ST3GAL3: variants seen among roughly 807,000 people sequenced by gnomAD.
The protein encoded by ST3GAL3 is ST3 beta-galactoside alpha-2,3-sialyltransferase 3.
ST3GAL3 carries 21 observed loss-of-function variants against 50.1 expected under a neutral mutation model. That is an observed-to-expected ratio of 0.42 (90% CI 0.30 to 0.60). The LOEUF is 0.60. ST3GAL3 is among the 20% of genes least tolerant of loss of function. The probability of loss-of-function intolerance (pLI) is 0.19; values close to 1 mark genes in which losing one functional copy is unlikely to be tolerated. For synonymous variants in ST3GAL3, 183 were observed against 190.0 expected, an observed-to-expected ratio of 0.96 and a Z score of 0.30; for missense variants, 353 against 489.4, an observed-to-expected ratio of 0.72 and a Z score of 2.63.
At chr1:43,920,577 G>A in intron 10 of ST3GAL3, 27 bp downstream of exon 10, 2 of 1,612,626 alleles carry the variant, frequency 1.2e-6, no homozygotes, top group Non-Finnish European at 1.7e-6. Context: ...CTGGGAGAGG[G>A]AGGAGGAAAG....
intron 9 of ST3GAL3, among the ~76,000 whole-genome samples, chr1:43,905,952 T>C: frequency 1.7e-5 from 1 of 57,502 alleles, no homozygotes; most frequent in African/African-American, 7.5e-5. Flanking sequence ...CCTGCTCCTC[T>C]CCCACCACTC....
intron 4 of ST3GAL3, among the ~76,000 whole-genome samples, chr1:43,830,679 C>T (rs1280228694): frequency 1.3e-5 from 2 of 152,136 alleles, no homozygotes; most frequent in African/African-American, 2.4e-5. Flanking sequence ...TGAGATATAG[C>T]CCTTCCACTG....
At chr1:43,751,976 C>A (rs1188287627) in intron 2 of ST3GAL3, among the ~76,000 whole-genome samples, 1 of 152,004 alleles carries the variant, frequency 6.6e-6, no homozygotes, top group Non-Finnish European at 1.5e-5. Context: ...TGCTACCACA[C>A]CCGACTAATT....
At chr1:43,842,267 G>T (rs529694412) in intron 5 of ST3GAL3, 2 of 151,962 alleles carry the variant, frequency 1.3e-5, no homozygotes, top group South Asian at 4.2e-4. Flanking sequence ...CCATTACCCG[G>T]TTCCGAAGTC....
Position 43,899,266 on chromosome 1 carries a change from G to A in ST3GAL3, c.557+3G>A. The A allele has an allele frequency of 6.2e-7, 1 of 1,614,216 alleles. No homozygotes were observed. Among genetic ancestry groups the A allele is most frequent in the Non-Finnish European group, 8.5e-7 (1 of 1,180,032 alleles). On this transcript the variant is annotated splice_donor_region_variant and intron_variant, in intron 8 of 11. Transcript: ENST00000347631. This position sits in a 1 kb window ranked among gnomAD's most constrained non-coding sequence, Gnocchi z 5.4. Reference sequence around the variant, plus strand: ...GACGACTATGACATTGTGGTGAGGTGAGCTCCCCAAAATGGCACCTCGGGT... The same window carrying A: ...GACGACTATGACATTGTGGTGAGGTAAGCTCCCCAAAATGGCACCTCGGGT...
At chr1:43,759,662 A>G (rs543730788) in intron 2 of ST3GAL3, among the ~76,000 whole-genome samples, 1 of 152,318 alleles carries the variant, frequency 6.6e-6, no homozygotes, top group East Asian at 1.9e-4. Context: ...TGGCATCTGC[A>G]CTGATGCTAC....
chr1:43,875,929 CTTCTTCTTCTTCTTCTTCTTCTTATTA>C lies in ST3GAL3; in HGVS notation c.303-18451_303-18425del, dbSNP rs1267881501. ...TCTTCTTCTTCTTCTTCTTCTTCTT[CTTCTTCTTCTTCTTCTTCTTCTTATTA>C]TTATTATTATTATTATTATTATTAT... is the stretch of plus-strand genomic sequence containing the variant. On this transcript the variant is annotated intron_variant, in intron 5 of 11. Transcript: ENST00000347631. Among the ~76,000 whole-genome samples the C allele has an allele frequency of 8.3e-3, 710 of 85,126 alleles. 2 individuals carry two copies. The highest frequency in any genetic ancestry group is 0.026 in the Admixed American group (218 of 8,418). The allele number at this position is 85,126 out of a possible 152,430, so 55.8% of individuals were successfully genotyped here.
chr1:43,729,109 A>G (rs771172935), intron 1 of ST3GAL3, among the ~76,000 whole-genome samples: 13 of 56,012 alleles, frequency 2.3e-4, no homozygotes, highest in Non-Finnish European at 3.2e-4. Context: ...TTTTTTTTTG[A>G]GACAGATTCT....
At chr1:43,760,091 G>A (rs1026751457) in intron 2 of ST3GAL3, among the ~76,000 whole-genome samples, 2 of 152,174 alleles carry the variant, frequency 1.3e-5, no homozygotes, top group Non-Finnish European at 2.9e-5. Flanking sequence ...TCTTTTGGGG[G>A]TACCATTTTT....
intron 4 of ST3GAL3, among the ~76,000 whole-genome samples, chr1:43,825,584 A>G (rs963096681): frequency 1.3e-5 from 2 of 152,246 alleles, no homozygotes; most frequent in Admixed American, 6.5e-5. Flanking sequence ...TGAGGGTGGA[A>G]CTTGAGAAGT....
At chr1:43,906,261 GACT>G (rs2079633968) in intron 9 of ST3GAL3, among the ~76,000 whole-genome samples, 1 of 16,320 alleles carries the variant, frequency 6.1e-5, no homozygotes, top group Admixed American at 8.4e-4. Flanking sequence ...CTCTTCCCCT[GACT>G]CCTCCTCCTC....
chr1:43,736,324 G>A lies in ST3GAL3; in HGVS notation c.62G>A (p.Gly21Glu). The change falls in exon 2 of 12, where the codon GGA (glycine) becomes GAA (glutamate). Residue 21 changes from glycine to glutamate, a missense_variant. Physicochemically the swap from Gly to Glu is moderately conservative, Grantham distance 98. Transcript: ENST00000347631. ...LLALCLFLVL[G>E]FLYYSAWKLH... ...GCCCTCTGCCTCTTTCTGGTACTGG[G>A]ATTTTTGTATTATTCTGCGTGGAAG... The A allele has an allele frequency of 6.2e-7, 1 of 1,614,048 alleles. No individual in the cohort carries two copies. Among genetic ancestry groups the A allele is most frequent in the East Asian group, 2.2e-5 (1 of 44,896 alleles).
Position 43,736,397 on chromosome 1 carries a change from T to C in ST3GAL3, c.118+17T>C, listed in dbSNP as rs760068778. The C allele has an allele frequency of 3.1e-6, 5 of 1,614,188 alleles. No homozygotes were observed. Among genetic ancestry groups the C allele is most frequent in the Non-Finnish European group, 3.4e-6 (4 of 1,180,016 alleles). On this transcript the variant is annotated intron_variant, in intron 2 of 11. Transcript: ENST00000347631. The stretch of plus-strand genomic sequence containing the variant: ...AGGACTCCAGTAAGTATAGTCACTC[T>C]AGCTCACCCCAGGAGAAGCCTGTTG...
intron 9 of ST3GAL3, among the ~76,000 whole-genome samples, chr1:43,911,401 G>A (rs1308367378): frequency 6.6e-6 from 1 of 151,038 alleles, no homozygotes; most frequent in Non-Finnish European, 1.5e-5. Context: ...TGGGAGGTGG[G>A]CCAGACCACC....
intron 4 of ST3GAL3, among the ~76,000 whole-genome samples, chr1:43,816,595 A>T (rs941386474): frequency 1.3e-5 from 2 of 152,222 alleles, no homozygotes; most frequent in African/African-American, 4.8e-5. Flanking sequence ...AATCACACTG[A>T]TGAACAAAAG....
intron 5 of ST3GAL3, chr1:43,879,583 A>C (rs1000921135): frequency 8.3e-6 from 3 of 362,924 alleles, no homozygotes; most frequent in Non-Finnish European, 1.6e-5. Flanking sequence ...AGAGGCAGCC[A>C]AGAAAAAGAG....
intron 1 of ST3GAL3, among the ~76,000 whole-genome samples, chr1:43,710,031 GT>G (rs1322275059): frequency 1.3e-5 from 2 of 152,024 alleles, no homozygotes; most frequent in East Asian, 1.9e-4. Flanking sequence ...TTCTCCCCGT[GT>G]TTTTGGTTGG....
intron 2 of ST3GAL3, among the ~76,000 whole-genome samples, chr1:43,759,155 A>G (rs1689325490): frequency 6.6e-6 from 1 of 151,702 alleles, no homozygotes; most frequent in Admixed American, 6.6e-5. Flanking sequence ...TCAATAAAAG[A>G]AAAAACTAGG....
intron 3 of ST3GAL3, among the ~76,000 whole-genome samples, chr1:43,803,410 T>G (rs2059536853): frequency 6.6e-6 from 1 of 152,030 alleles, no homozygotes; most frequent in African/African-American, 2.4e-5. Context: ...CACCATTTGT[T>G]GGATGTAAGG....
Sources: gnomAD v4.1 joint callset for allele counts (sites outside exome capture counted in the v4.1 genomes callset) on GRCh38, gnomAD v4.1.1 for gene constraint, Gnocchi (gnomAD v3.1) non-coding constraint, MANE v1.5 for transcripts, NCBI Gene and HGNC (gene_info 2026-07-23, HGNC 2026-07-21) for gene names.